Variants in C6 observed in about 807,000 individuals in gnomAD.
The protein encoded by C6 is complement component C6.
C6 carries 101 observed loss-of-function variants against 112.9 expected under a neutral mutation model. The observed-to-expected ratio is 0.89, with a 90% CI of 0.76 to 1.06. The LOEUF is 1.06. Among genes scored for constraint, C6 ranks in the 50% least tolerant of loss-of-function variants. The pLI is 0.00. For synonymous variants in C6, 431 were observed against 384.1 expected (o/e 1.12, Z -1.43); for missense variants, 1,202 against 1,104.6 (o/e 1.09, Z -1.25).
chr5:41,153,229 G>T (rs1439629063), intron 15 of C6, among the ~76,000 whole-genome samples: 1 of 152,206 alleles, frequency 6.6e-6, no homozygotes, highest in African/African-American at 2.4e-5. Flanking sequence ...TTATTGGAGA[G>T]AAAGTATATG....
In C6 at chr5:41,160,174, T is replaced by C. The variant is rs772482546; in HGVS notation, c.1652A>G (p.Asn551Ser). The change falls in exon 11 of 18, where the codon AAC (asparagine) becomes AGC (serine). Residue 551 changes from asparagine (N) to serine (S), a missense_variant. Physicochemically the swap from Asn to Ser is conservative, Grantham distance 46 (BLOSUM62 1). Transcript: ENST00000337836. ...ATAATCTGGAGACTGTTTCTCACAGTTCTCACCATAGGTGCCACTCTGACA... is the reference window on the plus strand; with the variant it reads ...ATAATCTGGAGACTGTTTCTCACAGCTCTCACCATAGGTGCCACTCTGACA... ...CVCQSGTYGE[N>S]CEKQSPDYKS... is the part of the protein sequence containing the mutation. 5 of 1,613,586 alleles carry C rather than the reference T, an allele frequency of 3.1e-6. No homozygotes were observed.
intron 8 of C6, among the ~76,000 whole-genome samples, chr5:41,173,235 C>T (rs563285577): frequency 1.4e-4 from 22 of 152,286 alleles, no homozygotes; most frequent in South Asian, 8.3e-4. Context: ...CTCAGCCATC[C>T]GGTTTTAATA....
intron 5 of C6, among the ~76,000 whole-genome samples, chr5:41,188,964 T>C (rs1248238251): frequency 6.6e-6 from 1 of 152,046 alleles, no homozygotes; most frequent in Non-Finnish European, 1.5e-5. Flanking sequence ...GCAAATAATT[T>C]GAGTATCTAA....
At chr5:41,159,287 T>C (rs552812698) in intron 11 of C6, 34 bp from the exon 12 acceptor site, 3 of 1,606,566 alleles carry the variant, frequency 1.9e-6, no homozygotes, top group Admixed American at 1.7e-5. Context: ...CCATGGATCA[T>C]GGTGCAGCTG....
At chr5:41,150,974 A>G (rs62361565) in intron 15 of C6, among the ~76,000 whole-genome samples, 1,825 of 151,906 alleles carry the variant, frequency 0.012, 29 homozygotes, top group Non-Finnish European at 0.015. Context: ...AAGAGGATGG[A>G]ACAAGATGTG....
chr5:41,181,460 C>T lies in C6; in HGVS notation c.826G>A (p.Gly276Arg), dbSNP rs544279109. 1 of 1,613,610 alleles carries T rather than the reference C, an allele frequency of 6.2e-7. No homozygotes were observed. The highest frequency in any genetic ancestry group is 1.1e-5 in the South Asian group (1 of 91,066). ...NQQGSFSSQG[G>R]SSFSVPIFYS... ...AAAATTGGTACACTGAAAGAGCTCC[C>T]CCCCTGACTTGAGAATGAGCCTTGT... Residue 276 changes from glycine to arginine, a missense_variant, in exon 7 of 18, where the codon GGG becomes AGG. Gly to Arg is a moderately radical substitution (Grantham distance 125, BLOSUM62 -2). Transcript: ENST00000337836.
chr5:41,196,107 C>T (rs1447719544), intron 4 of C6, among the ~76,000 whole-genome samples, 174 bp from the exon 5 acceptor site: 1 of 152,062 alleles, frequency 6.6e-6, no homozygotes, highest in African/African-American at 2.4e-5. Flanking sequence ...GATAAATTTC[C>T]ACTTGTAAGA....
chr5:41,234,605 A>G (rs1056452308), intron 1 of C6, among the ~76,000 whole-genome samples: 1 of 152,140 alleles, frequency 6.6e-6, no homozygotes, highest in Non-Finnish European at 1.5e-5. Context: ...CTCCAATTTT[A>G]TAAATGATTA....
At chr5:41,229,443 G>A (rs754880754) in intron 1 of C6, among the ~76,000 whole-genome samples, 5 of 151,024 alleles carry the variant, frequency 3.3e-5, no homozygotes. Flanking sequence ...CCTGTCAGTT[G>A]TTCAGAACTG....
intron 1 of C6, among the ~76,000 whole-genome samples, chr5:41,238,359 T>G (rs1041578793): frequency 6.6e-6 from 1 of 151,806 alleles, no homozygotes; most frequent in South Asian, 2.1e-4. Flanking sequence ...CAAAACAGCA[T>G]GGTACTGGTA....
At chr5:41,154,908 GTT>G (rs1746747643) in intron 14 of C6, 62 bp downstream of exon 14, 7 of 1,532,678 alleles carry the variant, frequency 4.6e-6, no homozygotes, top group Non-Finnish European at 6.3e-6. Context: ...TGATTTTACT[GTT>G]TTTATATTGG....
intron 1 of C6, chr5:41,203,730 G>A (rs761185295): frequency 9.7e-5 from 17 of 175,722 alleles, no homozygotes; most frequent in Non-Finnish European, 1.8e-4. Flanking sequence ...TAAAGAGAAC[G>A]TTCACTGACT....
intron 1 of C6, among the ~76,000 whole-genome samples, chr5:41,207,155 A>T (rs1751501913): frequency 6.6e-6 from 1 of 152,164 alleles, no homozygotes; most frequent in African/African-American, 2.4e-5. Context: ...GAAATAAAAT[A>T]CTTTACAGAC....
intron 5 of C6, among the ~76,000 whole-genome samples, chr5:41,190,450 G>A (rs1750107013): frequency 6.6e-6 from 1 of 151,942 alleles, no homozygotes; most frequent in African/African-American, 2.4e-5. Context: ...CGTTAAATTG[G>A]ATTATTTATT....
intron 2 of C6, among the ~76,000 whole-genome samples, chr5:41,202,121 G>T (rs749887160): frequency 2.0e-5 from 3 of 152,100 alleles, no homozygotes; most frequent in Non-Finnish European, 4.4e-5. Context: ...GCTTGGAGGA[G>T]GACAACATAG....
intron 9 of C6, among the ~76,000 whole-genome samples, chr5:41,164,684 C>T (rs773996965): frequency 1.8e-4 from 27 of 152,114 alleles, no homozygotes; most frequent in Non-Finnish European, 3.2e-4. Context: ...CCTATTGCAA[C>T]GGTCTCTAAC....
chr5:41,166,667 T>C (rs1392445842), intron 9 of C6, among the ~76,000 whole-genome samples: 3 of 152,158 alleles, frequency 2.0e-5, no homozygotes, highest in Middle Eastern at 3.4e-3. Flanking sequence ...GTAAACATAA[T>C]ACAGTGTGAT....
intron 1 of C6, among the ~76,000 whole-genome samples, chr5:41,239,293 G>A (rs183622104): frequency 6.6e-6 from 1 of 151,576 alleles, no homozygotes; most frequent in Admixed American, 6.6e-5. Flanking sequence ...TGTAGTTTTA[G>A]TAGAGATGGG....
intron 1 of C6, among the ~76,000 whole-genome samples, chr5:41,241,540 G>C (rs1196192478): frequency 6.6e-6 from 1 of 152,152 alleles, no homozygotes; most frequent in Non-Finnish European, 1.5e-5. Flanking sequence ...ATTCAGAATG[G>C]ACCACAAGCA....
Sources: gnomAD v4.1 joint callset for allele counts (sites outside exome capture counted in the v4.1 genomes callset) on GRCh38, gnomAD v4.1.1 for gene constraint, MANE v1.5 for transcripts, NCBI Gene and HGNC (gene_info 2026-07-23, HGNC 2026-07-21) for gene names.